CEP128: variants seen among roughly 807,000 people sequenced by gnomAD.
CEP128 encodes the protein centrosomal protein 128.
In CEP128, 132 loss-of-function variants were observed where a neutral mutation model predicts 156.7. The observed-to-expected ratio is 0.84, with a 90% CI of 0.73 to 0.97. The LOEUF (loss-of-function observed/expected upper bound fraction) is 0.97, where lower values mean the gene tolerates loss of function less well. CEP128 is among the 50% of genes least tolerant of loss of function. The pLI, the probability that CEP128 is intolerant of heterozygous loss-of-function variation, is 0.00. For missense variants in CEP128, 1,252 were observed against 1,281.9 expected, an observed-to-expected ratio of 0.98 and a Z score of 0.36; for synonymous variants, 469 against 448.9, an observed-to-expected ratio of 1.04 and a Z score of -0.57.
intron 8 of CEP128, among the ~76,000 whole-genome samples, chr14:80,877,692 C>G (rs1378917857): frequency 2.0e-5 from 3 of 152,148 alleles, no homozygotes; most frequent in Admixed American, 6.5e-5. Context: ...TCTCATCCCC[C>G]CAGTTGGGGT....
intron 12 of CEP128, among the ~76,000 whole-genome samples, chr14:80,833,851 G>A (rs1158034533): frequency 6.6e-6 from 1 of 152,140 alleles, no homozygotes; most frequent in Non-Finnish European, 1.5e-5. Flanking sequence ...AAATAGGCAT[G>A]AGGTAGAAAC....
At chr14:80,680,240 G>A (rs532606926) in intron 19 of CEP128, among the ~76,000 whole-genome samples, 6 of 152,152 alleles carry the variant, frequency 3.9e-5, no homozygotes, top group Non-Finnish European at 8.8e-5. Flanking sequence ...GAGCCAGCTT[G>A]GGGACCTGGA....
intron 19 of CEP128, among the ~76,000 whole-genome samples, chr14:80,741,415 T>G (rs1402116167): frequency 6.6e-6 from 1 of 152,182 alleles, no homozygotes. Flanking sequence ...GAATAATTAC[T>G]AAACTTCTAA....
chr14:80,674,751 A>G (rs1476582863), intron 19 of CEP128, among the ~76,000 whole-genome samples: 1 of 152,148 alleles, frequency 6.6e-6, no homozygotes, highest in East Asian at 1.9e-4. Flanking sequence ...CACCATATAT[A>G]CCGCCATGGA....
intron 8 of CEP128, among the ~76,000 whole-genome samples, chr14:80,868,876 A>G (rs1226454547): frequency 1.3e-5 from 2 of 152,094 alleles, no homozygotes; most frequent in African/African-American, 2.4e-5. Context: ...AAAATACACT[A>G]TAAGTCAAAA....
chr14:80,847,636 T>A (rs1254815684), intron 9 of CEP128, among the ~76,000 whole-genome samples: 1 of 152,126 alleles, frequency 6.6e-6, no homozygotes, highest in Non-Finnish European at 1.5e-5. Context: ...CCTAAAATAA[T>A]GTGAAAATAC....
At chr14:80,804,211 T>C (rs973161052) in intron 13 of CEP128, among the ~76,000 whole-genome samples, 6 of 152,134 alleles carry the variant, frequency 3.9e-5, no homozygotes, top group Non-Finnish European at 8.8e-5. Context: ...TATAAAACTT[T>C]GGTATGCACA....
At chr14:80,855,204 G>A (rs1887086156) in intron 9 of CEP128, among the ~76,000 whole-genome samples, 1 of 152,124 alleles carries the variant, frequency 6.6e-6, no homozygotes, top group African/African-American at 2.4e-5. Flanking sequence ...CCTCTTGGTG[G>A]TTTGAGGGCT....
At chr14:80,530,743 T>G in intron 22 of CEP128, 66 bp downstream of exon 22, 1 of 1,163,204 alleles carries the variant, frequency 8.6e-7, no homozygotes, top group Non-Finnish European at 1.2e-6. Context: ...TCTTTGCACA[T>G]CAGGAAGATG....
At chr14:80,828,432 A>C (rs1885605004) in intron 13 of CEP128, among the ~76,000 whole-genome samples, 1 of 151,978 alleles carries the variant, frequency 6.6e-6, no homozygotes. Context: ...CCCACTTTGA[A>C]ATTTTTAACA....
intron 19 of CEP128, among the ~76,000 whole-genome samples, chr14:80,654,504 G>C (rs1895046231): frequency 6.6e-6 from 1 of 152,078 alleles, no homozygotes; most frequent in Non-Finnish European, 1.5e-5. Context: ...TTCTGGCAGG[G>C]AAAAGAAATT....
intron 11 of CEP128, 37 bp downstream of exon 11, chr14:80,838,167 A>C: frequency 1.4e-6 from 2 of 1,388,264 alleles, no homozygotes; most frequent in Non-Finnish European, 2.0e-6. Context: ...TCCTGATTTA[A>C]TGTAAAAGTA....
chr14:80,500,786 C>T (rs2371293), intron 24 of CEP128, among the ~76,000 whole-genome samples: 112,591 of 151,996 alleles, frequency 0.74, 44,303 homozygotes, highest in East Asian at 0.86. Flanking sequence ...CCCCCTTCTC[C>T]TCACCCCATA....
chr14:80,667,857 C>CAAAAA (rs3070047), intron 19 of CEP128, among the ~76,000 whole-genome samples: 11 of 90,006 alleles, frequency 1.2e-4, no homozygotes, highest in African/African-American at 3.5e-4. Flanking sequence ...GACTCCATCT[C>CAAAAA]AAAAAAAAAA....
intron 9 of CEP128, among the ~76,000 whole-genome samples, chr14:80,859,579 A>G (rs188369116): frequency 2.0e-5 from 3 of 152,138 alleles, no homozygotes; most frequent in Admixed American, 1.3e-4. Context: ...TAAAAAAAAG[A>G]AAGAAAATCT....
At chr14:80,708,021 C>T (rs1897282267) in intron 19 of CEP128, among the ~76,000 whole-genome samples, 2 of 152,022 alleles carry the variant, frequency 1.3e-5, no homozygotes, top group African/African-American at 4.8e-5. Flanking sequence ...ATGGTATATC[C>T]TGTAGATTAA....
intron 6 of CEP128, among the ~76,000 whole-genome samples, chr14:80,904,522 TAAGC>T (rs1265059221): frequency 6.6e-6 from 1 of 152,100 alleles, no homozygotes; most frequent in Non-Finnish European, 1.5e-5. Flanking sequence ...TAAAAAATGA[TAAGC>T]AAGGTGATAG....
At chr14:80,915,767 C>G (rs1048022885) in intron 3 of CEP128, among the ~76,000 whole-genome samples, 1 of 152,162 alleles carries the variant, frequency 6.6e-6, no homozygotes, top group African/African-American at 2.4e-5. Flanking sequence ...TTCACTCTCA[C>G]GATATTTTAT....
At chr14:80,672,836 A>C (rs921945800) in intron 19 of CEP128, among the ~76,000 whole-genome samples, 6 of 152,174 alleles carry the variant, frequency 3.9e-5, no homozygotes, top group Non-Finnish European at 5.9e-5. Context: ...AAAATAAGCA[A>C]AAGTCAAAAG....
Sources: gnomAD v4.1 joint callset for allele counts (sites outside exome capture counted in the v4.1 genomes callset) on GRCh38, gnomAD v4.1.1 for gene constraint, MANE v1.5 for transcripts, NCBI Gene and HGNC (gene_info 2026-07-23, HGNC 2026-07-21) for gene names.